The following ZBTB41 variants were observed in gnomAD, a reference collection of about 807,000 sequenced individuals.
The protein encoded by ZBTB41 is zinc finger and BTB domain containing 41.
Under a neutral mutation model 87.6 loss-of-function variants are expected in ZBTB41, and 42 were observed. That is an observed-to-expected ratio of 0.48 (90% CI 0.37 to 0.62). The LOEUF is 0.62. Among genes scored for constraint, ZBTB41 ranks in the 20% least tolerant of loss-of-function variants. The pLI is 0.00. For synonymous variants in ZBTB41, 364 were observed against 364.0 expected (o/e 1.00, Z 0.00); for missense variants, 799 against 1,078.9 (o/e 0.74, Z 3.63).
intron 6 of ZBTB41, 103 bp downstream of exon 6, chr1:197,180,885 G>T: frequency 8.2e-7 from 1 of 1,221,178 alleles, no homozygotes; most frequent in Non-Finnish European, 1.1e-6. Flanking sequence ...CACAATTCAT[G>T]CATTTTGTGT....
Position 197,157,448 on chromosome 1 carries a change from C to T in ZBTB41, c.*1911G>A, listed in dbSNP as rs1659095661. ...AGTAAGATTTTTAGTTATAATATTG[C>T]CAGTCTTTATGATGAAAATCATAAA... On this transcript the variant is annotated 3_prime_UTR_variant, in exon 11 of 11. Coordinates refer to ENST00000367405, the MANE Select transcript of ZBTB41 (RefSeq NM_194314.3). The T allele has an allele frequency of 6.6e-6, 1 of 151,272 alleles. No homozygotes were observed. Among genetic ancestry groups the T allele is most frequent in the Non-Finnish European group, 1.5e-5 (1 of 67,622 alleles). 9.4% of individuals were successfully genotyped at this position (151,272 alleles called of 1,614,324 possible). A position where few individuals can be genotyped will look rare whatever the true frequency, so the allele number is the denominator to read the frequency against.
Position 197,188,362 on chromosome 1 carries a change from C to T in ZBTB41, c.1476G>A (p.Lys492=), listed in dbSNP as rs779691323. The T allele has an allele frequency of 2.3e-5, 37 of 1,613,748 alleles. No individual in the cohort carries two copies. The South Asian group carries it at 4.1e-4, about 18-fold the overall frequency. Residue 492 remains lysine (K), a synonymous_variant, in exon 5 of 11, where the codon AAG becomes AAA. Transcript: ENST00000367405. ...TAAAATGTTCTTCACAATAGGTACA[C>T]TTAAAAGGTTTATCTTGAGAATGTA... ...MILHSQDKPF[K]CTYCEEHFKS...
chr1:197,192,779 A>G (rs1462323722), intron 2 of ZBTB41, among the ~76,000 whole-genome samples: 1 of 152,170 alleles, frequency 6.6e-6, no homozygotes, highest in African/African-American at 2.4e-5. Context: ...CATCCTATGT[A>G]TAACATGAAA....
rs955788404 is a variant in ZBTB41 at position 197,159,009 on chromosome 1, A to G, written c.*350T>C. 1.4e-5 allele frequency: 3 copies of G among 217,804 alleles called. No homozygotes were observed. Among genetic ancestry groups the G allele is most frequent in the Non-Finnish European group, 2.7e-5 (3 of 109,610 alleles). 13.5% of individuals were successfully genotyped at this position (217,804 alleles called of 1,614,324 possible). On this transcript the variant is annotated 3_prime_UTR_variant, in exon 11 of 11. Coordinates refer to ENST00000367405, the MANE Select transcript of ZBTB41 (RefSeq NM_194314.3). ...GTTTGTAAGAAGGGCTAGGAAGAAGAAGGAGAGGAATGAGACTAAAGAAGA... is the reference window on the plus strand; with the variant it reads ...GTTTGTAAGAAGGGCTAGGAAGAAGGAGGAGAGGAATGAGACTAAAGAAGA...
chr1:197,180,780 A>T (rs1659726537), intron 6 of ZBTB41, among the ~76,000 whole-genome samples: 1 of 152,158 alleles, frequency 6.6e-6, no homozygotes, highest in African/African-American at 2.4e-5. Context: ...AAATATGTAC[A>T]TTAAATCATC....
At position 197,191,751 on chromosome 1, in the gene ZBTB41, C is replaced by A; in HGVS notation, c.1269G>T (p.Lys423Asn). Residue 423 changes from lysine (K) to asparagine (N), a missense_variant, in exon 3 of 11, where the codon AAG (lysine) becomes AAT (asparagine). Physicochemically the swap from Lys to Asn is moderately conservative, Grantham distance 94. Around this residue, in one of 5 missense-constraint regions of ZBTB41, gnomAD observed 294 missense variants for 340.1 expected, o/e 0.86. Transcript: ENST00000367405. ...CATGAAGTTTATTACAATAAGGGCA[C>A]TTGTGCTCCTTCTTATGAAATTCTG... ...NETEFHKKEHKCPYCNKLHAS... is the reference protein window; with the variant it reads ...NETEFHKKEHNCPYCNKLHAS... 2 of 1,613,738 alleles carry A rather than the reference C, an allele frequency of 1.2e-6. No individual in the cohort carries two copies. Among genetic ancestry groups the A allele is most frequent in the Non-Finnish European group, 1.7e-6 (2 of 1,179,862 alleles).
At chr1:197,199,312 A>T (rs1660239578) in intron 2 of ZBTB41, 42 bp downstream of exon 2, 3 of 1,453,212 alleles carry the variant, frequency 2.1e-6, no homozygotes, top group Non-Finnish European at 2.7e-6. Flanking sequence ...TATCCAAGAA[A>T]AGTAAGTGAT....
At chr1:197,192,135 AT>A (rs536787065) in intron 2 of ZBTB41, among the ~76,000 whole-genome samples, 161 of 152,262 alleles carry the variant, frequency 1.1e-3, no homozygotes, top group African/African-American at 3.7e-3. Context: ...TTAAAAAAAA[AT>A]ATTCATGATC....
Position 197,172,243 on chromosome 1 carries a change from TTATATC to T in ZBTB41, c.1986-1_1990del. On this transcript the variant is annotated splice_acceptor_variant and coding_sequence_variant, in exon 10 of 11. Transcript: ENST00000367405. LOFTEE classifies it high-confidence loss of function. Reference sequence around the variant, plus strand: ...AACATCACATTGATGAAATGTTGCTTTATATCTAAGAAAATAAAAAGATTTGAGTTT... The same window carrying T: ...AACATCACATTGATGAAATGTTGCTTTAAGAAAATAAAAAGATTTGAGTTT... The T allele has an allele frequency of 7.7e-7, 1 of 1,304,998 alleles. No homozygotes were observed. The highest frequency in any genetic ancestry group is 1.0e-6 in the Non-Finnish European group (1 of 985,088). The allele number at this position is 1,304,998 out of a possible 1,614,324, so 80.8% of individuals were successfully genotyped here.
Position 197,160,971 on chromosome 1 carries a change from C to T in ZBTB41, c.2075-957G>A, listed in dbSNP as rs146639958. 1.9e-3 allele frequency among the ~76,000 whole-genome samples: 288 copies of T among 152,144 alleles called. 3 individuals are homozygous for T. Among genetic ancestry groups the T allele is most frequent in the Non-Finnish European group, 1.7e-3 (116 of 67,980 alleles). ...GGAAGCTAGAACATAAGGAATGCTG[C>T]GGCCACTATAAGATGTGAAAGGCTC... On this transcript the variant is annotated intron_variant, in intron 10 of 10. Transcript: ENST00000367405.
intron 5 of ZBTB41, among the ~76,000 whole-genome samples, chr1:197,186,361 A>C (rs1450826596): frequency 6.6e-6 from 1 of 152,140 alleles, no homozygotes; most frequent in African/African-American, 2.4e-5. Flanking sequence ...AATGTAGATG[A>C]CCTTAGGTTT....
chr1:197,157,593 T>A lies in ZBTB41; in HGVS notation c.*1766A>T, dbSNP rs563137177. On this transcript the variant is annotated 3_prime_UTR_variant, in exon 11 of 11. Coordinates refer to ENST00000367405, the MANE Select transcript of ZBTB41 (RefSeq NM_194314.3). Reference sequence around the variant, plus strand: ...TTCCACACAAAGAAATAAGAATACTTTAAAAAGGAGAACATAGTAAGTATG... The same window carrying A: ...TTCCACACAAAGAAATAAGAATACTATAAAAAGGAGAACATAGTAAGTATG... The A allele has an allele frequency of 6.6e-6, 1 of 152,268 alleles. No homozygotes were observed. Among genetic ancestry groups the A allele is most frequent in the South Asian group, 2.1e-4 (1 of 4,826 alleles). The allele number at this position is 152,268 out of a possible 1,614,324, so 9.4% of individuals were successfully genotyped here.
rs1659045261 is a variant in ZBTB41, at chr1:197,155,540, G to A, written c.*3819C>T. ...ATCTGACATTTCATCACTGATATAT[G>A]AGAGTGATATGGTAGGAAGAAAACT... On this transcript the variant is annotated 3_prime_UTR_variant, in exon 11 of 11. Transcript: ENST00000367405. 6.6e-6 allele frequency: 1 copy of A among 152,256 alleles called. No individual in the cohort carries two copies. The highest frequency in any genetic ancestry group is 6.6e-5 in the Admixed American group (1 of 15,242). The allele number at this position is 152,256 out of a possible 1,614,324, so 9.4% of individuals were successfully genotyped here. A position where few individuals can be genotyped will look rare whatever the true frequency, so the allele number is the denominator to read the frequency against.
Position 197,159,240 on chromosome 1 carries a change from G to T in ZBTB41, c.*119C>A. On this transcript the variant is annotated 3_prime_UTR_variant, in exon 11 of 11. Transcript: ENST00000367405. ...CACATAGTTTTCTTGATTTGAAACT[G>T]TTCTGAGGACTTGAGAAACTAGAGA... 2 of 975,844 alleles carry T rather than the reference G, an allele frequency of 2.0e-6. No homozygotes were observed. Among genetic ancestry groups the T allele is most frequent in the Non-Finnish European group, 3.0e-6 (2 of 658,518 alleles). The allele number at this position is 975,844 out of a possible 1,614,324, so 60.4% of individuals were successfully genotyped here. A position where few individuals can be genotyped will look rare whatever the true frequency, so the allele number is the denominator to read the frequency against.
In ZBTB41 at chr1:197,199,956, A is replaced by AACTTC; in HGVS notation, c.513_517dup (p.Leu173Ter). ...AGGGGCAACATTTTCGTTATTTAAC[A>AACTTC]ACTTCACTGCATCTATAATGTCCAA... On this transcript the variant is annotated stop_gained and frameshift_variant, in exon 2 of 11. Transcript: ENST00000367405. LOFTEE classifies it high-confidence loss of function. 6.2e-7 allele frequency: 1 copy of AACTTC among 1,613,438 alleles called. No homozygotes were observed. Among genetic ancestry groups the AACTTC allele is most frequent in the Non-Finnish European group, 8.5e-7 (1 of 1,179,704 alleles).
At chr1:197,184,867 T>G (rs1659843454) in intron 5 of ZBTB41, among the ~76,000 whole-genome samples, 1 of 152,090 alleles carries the variant, frequency 6.6e-6, no homozygotes, top group Admixed American at 6.5e-5. Context: ...CAGGCTGGTG[T>G]GCAATAGCGC....
chr1:197,159,597 A>G lies in ZBTB41; in HGVS notation c.2492T>C (p.Leu831Pro). 1 of 1,613,926 alleles carries G rather than the reference A, an allele frequency of 6.2e-7. No individual in the cohort carries two copies. Among genetic ancestry groups the G allele is most frequent in the Non-Finnish European group, 8.5e-7 (1 of 1,179,884 alleles). Reference protein sequence around the residue: ...PSDLVRHTTTLPPSSHEILSP... With the variant: ...PSDLVRHTTTPPPSSHEILSP... The stretch of plus-strand genomic sequence containing the variant: ...CAGAATCTCATGAGAAGATGGTGGG[A>G]GTGTGGTAGTATGACGCACTAGGTC... The change falls in exon 11 of 11, where the codon CTC becomes CCC. Residue 831 changes from leucine to proline, a missense_variant. Coordinates refer to ENST00000367405, the MANE Select transcript of ZBTB41 (RefSeq NM_194314.3).
chr1:197,186,316 T>A (rs1287888098), intron 5 of ZBTB41, among the ~76,000 whole-genome samples: 2 of 151,308 alleles, frequency 1.3e-5, no homozygotes, highest in South Asian at 2.1e-4. Context: ...AGACCTTACA[T>A]CCTTTGCAAA....
intron 5 of ZBTB41, among the ~76,000 whole-genome samples, chr1:197,184,327 T>C (rs896727625): frequency 1.3e-5 from 2 of 152,212 alleles, no homozygotes; most frequent in Non-Finnish European, 2.9e-5. Flanking sequence ...CAACATATAC[T>C]AGTCTTATAT....
Sources: gnomAD v4.1 joint callset for allele counts (sites outside exome capture counted in the v4.1 genomes callset) on GRCh38, gnomAD v4.1.1 for gene constraint, gnomAD v4.1.1 regional missense constraint, MANE v1.5 for transcripts, NCBI Gene and HGNC (gene_info 2026-07-23, HGNC 2026-07-21) for gene names.